Variants in RFX2 observed in about 807,000 individuals in gnomAD.
RFX2 encodes the protein regulatory factor X2, also known as DNA-binding protein RFX2.
Under a neutral mutation model 87.8 loss-of-function variants are expected in RFX2, and 20 were observed. The observed-to-expected ratio is 0.23, with a 90% CI of 0.16 to 0.33. RFX2 has a LOEUF of 0.33. Among genes scored for constraint, RFX2 ranks in the 10% least tolerant of loss-of-function variants. RFX2 has a pLI of 1.00. For missense variants in RFX2, 767 were observed against 1,012.3 expected, an observed-to-expected ratio of 0.76 and a Z score of 3.29; for synonymous variants, 397 against 431.3, an observed-to-expected ratio of 0.92 and a Z score of 0.98.
At chr19:6,018,456 A>G (rs1294071720) in intron 6 of RFX2, among the ~76,000 whole-genome samples, 1 of 152,202 alleles carries the variant, frequency 6.6e-6, no homozygotes, top group Non-Finnish European at 1.5e-5. Flanking sequence ...GGGTTCTGGA[A>G]CGTTTCACAG....
chr19:6,094,178 T>G (rs1425045944), intron 1 of RFX2, among the ~76,000 whole-genome samples: 1 of 152,106 alleles, frequency 6.6e-6, no homozygotes, highest in African/African-American at 2.4e-5. Context: ...ACACCAAACT[T>G]TTCTTAGTGG....
chr19:5,996,339 G>A (rs770561681), intron 16 of RFX2, among the ~76,000 whole-genome samples: 5 of 41,822 alleles, frequency 1.2e-4, no homozygotes, highest in East Asian at 5.2e-4. Flanking sequence ...AGGGACGAGC[G>A]GTCAGCACAG....
chr19:6,076,104 C>T (rs942601951), intron 1 of RFX2, among the ~76,000 whole-genome samples: 1 of 152,086 alleles, frequency 6.6e-6, no homozygotes, highest in Non-Finnish European at 1.5e-5. Context: ...TTTTGGGAGG[C>T]CAAGGTGGGC....
rs149234863 is a variant in RFX2 at position 5,993,654 on chromosome 19, T to C, written c.*1181A>G. On this transcript the variant is annotated 3_prime_UTR_variant, in exon 18 of 18. Coordinates refer to ENST00000303657, the MANE Select transcript of RFX2 (RefSeq NM_000635.4). ...GTCCTGGGCCGAGGCTCGTCTTTCT[T>C]CTCTGCAGTTGGTTTGGGGACAGAA... The C allele has an allele frequency of 2.6e-5, 4 of 152,344 alleles. No individual in the cohort carries two copies. The highest frequency in any genetic ancestry group is 9.6e-5 in the African/African-American group (4 of 41,580). The allele number at this position is 152,344 out of a possible 1,614,324, so 9.4% of individuals were successfully genotyped here.
chr19:6,037,033 C>T (rs2087034750), intron 5 of RFX2, among the ~76,000 whole-genome samples: 1 of 151,964 alleles, frequency 6.6e-6, no homozygotes, highest in Non-Finnish European at 1.5e-5. Flanking sequence ...ACCTGTAATC[C>T]CAGCACTTTG....
At chr19:6,081,199 A>T (rs1599916362) in intron 1 of RFX2, among the ~76,000 whole-genome samples, 2 of 152,204 alleles carry the variant, frequency 1.3e-5, no homozygotes, top group African/African-American at 2.4e-5. Flanking sequence ...TCACTACTTT[A>T]AAAAAGTTCA....
At chr19:6,068,040 T>A (rs1441363838) in intron 1 of RFX2, 1 of 151,952 alleles carries the variant, frequency 6.6e-6, no homozygotes, top group East Asian at 1.9e-4. Context: ...TGCAGGGAGA[T>A]GAGGAATTTG....
Position 5,999,825 on chromosome 19 carries a change from A to G in RFX2, c.1859+1990T>C, listed in dbSNP as rs929250048. Among the ~76,000 whole-genome samples the G allele has an allele frequency of 6.6e-6, 1 of 151,782 alleles. No homozygotes were observed. The highest frequency in any genetic ancestry group is 1.5e-5 in the Non-Finnish European group (1 of 67,948). Reference sequence around the variant, plus strand: ...CTGGGGGTGAGGGATTTCTCTGCGGATGATGGGTTTCTCTGTGTGGCTGTC... The same window carrying G: ...CTGGGGGTGAGGGATTTCTCTGCGGGTGATGGGTTTCTCTGTGTGGCTGTC... On this transcript the variant is annotated intron_variant, in intron 15 of 17. Transcript: ENST00000303657. The surrounding 1 kb of genome is among the most constrained non-coding windows in gnomAD (Gnocchi z 4.1).
chr19:5,995,770 C>A, intron 16 of RFX2, 127 bp from the exon 17 acceptor site: 1 of 844,918 alleles, frequency 1.2e-6, no homozygotes, highest in Non-Finnish European at 2.0e-6. Flanking sequence ...CAGCTGGGGC[C>A]TGCCCTGAAA....
chr19:6,037,525 A>T (rs1212865728), intron 5 of RFX2, among the ~76,000 whole-genome samples: 1 of 152,198 alleles, frequency 6.6e-6, no homozygotes, highest in African/African-American at 2.4e-5. Context: ...ATGAAAGAAG[A>T]TCTAAACAAA....
chr19:6,054,596 T>C (rs1233484500), intron 1 of RFX2, among the ~76,000 whole-genome samples: 1 of 152,222 alleles, frequency 6.6e-6, no homozygotes, highest in East Asian at 1.9e-4. Context: ...CAACTGGATT[T>C]TCACAAAGGT....
At chr19:6,086,024 C>T (rs11879739) in intron 1 of RFX2, among the ~76,000 whole-genome samples, 5 of 148,398 alleles carry the variant, frequency 3.4e-5, no homozygotes, top group African/African-American at 7.5e-5. Context: ...CCCAGGAGGC[C>T]GAGGCTGCAG....
rs1268228347 is a variant in RFX2, at chr19:6,044,177, C to T, written c.180+16G>A. On this transcript the variant is annotated intron_variant, in intron 3 of 17. Coordinates refer to ENST00000303657, the MANE Select transcript of RFX2 (RefSeq NM_000635.4). This position sits in a 1 kb window ranked among gnomAD's most constrained non-coding sequence, Gnocchi z 5.3. ...CTGCGCCCCGGTTTGCACGGTGCTG[C>T]GGTGCTTGTCATTACCTGCTGGGGT... is the stretch of plus-strand genomic sequence containing the variant. 2.6e-6 allele frequency: 4 copies of T among 1,509,688 alleles called. No individual in the cohort carries two copies. The highest frequency in any genetic ancestry group is 1.4e-5 in the African/African-American group (1 of 71,824). 93.5% of individuals were successfully genotyped at this position (1,509,688 alleles called of 1,614,324 possible).
chr19:6,060,540 C>G (rs1014250181), intron 1 of RFX2, among the ~76,000 whole-genome samples: 8 of 152,182 alleles, frequency 5.3e-5, no homozygotes, highest in African/African-American at 1.9e-4. Flanking sequence ...CCTTTATCTT[C>G]TCTTGAGATA....
intron 5 of RFX2, among the ~76,000 whole-genome samples, chr19:6,032,645 C>G (rs1410219464): frequency 6.6e-6 from 1 of 152,228 alleles, no homozygotes; most frequent in East Asian, 1.9e-4. Flanking sequence ...GGGGAGCCCC[C>G]ACCAATATCT....
At chr19:6,030,978 C>T (rs1490816608) in intron 5 of RFX2, among the ~76,000 whole-genome samples, 13 of 152,156 alleles carry the variant, frequency 8.5e-5, no homozygotes, top group African/African-American at 3.1e-4. Context: ...CCAACCTCAT[C>T]AGAAAAGTCA....
chr19:6,026,428 G>C lies in RFX2; in HGVS notation c.523-191C>G. 1.7e-6 allele frequency: 1 copy of C among 605,238 alleles called. No individual in the cohort carries two copies. Among genetic ancestry groups the C allele is most frequent in the Admixed American group, 2.9e-5 (1 of 33,982 alleles). The allele number at this position is 605,238 out of a possible 1,614,324, so 37.5% of individuals were successfully genotyped here. ...TAAATTGTGCATGAAAGCTGCGGTAGGGAGTGTTGCTTCGCACACGTAGGT... is the reference window on the plus strand; with the variant it reads ...TAAATTGTGCATGAAAGCTGCGGTACGGAGTGTTGCTTCGCACACGTAGGT... On this transcript the variant is annotated intron_variant, in intron 5 of 17. Transcript: ENST00000303657. This position sits in a 1 kb window ranked among gnomAD's most constrained non-coding sequence, Gnocchi z 4.5.
In RFX2 at chr19:6,002,857, C is replaced by G; in HGVS notation, c.1514G>C (p.Ser505Thr). Reference sequence around the variant, plus strand: ...GCGCCGCAGCGTCTGGGCGAAGGCACTGACGACGCCCACCTGTAAGCCAGG... The same window carrying G: ...GCGCCGCAGCGTCTGGGCGAAGGCAGTGACGACGCCCACCTGTAAGCCAGG... The part of the protein sequence containing the change: ...QVIQTKVGVV[S>T]AFAQTLRRYT... The change falls in exon 14 of 18, where the codon AGT becomes ACT. Residue 505 changes from serine (S) to threonine (T), a missense_variant. By Grantham distance (58) the Ser-to-Thr change is moderately conservative. Around this residue, in one of 2 missense-constraint regions of RFX2, gnomAD observed 621 missense variants for 873.0 expected, o/e 0.71. Coordinates refer to ENST00000303657, the MANE Select transcript of RFX2 (RefSeq NM_000635.4). The surrounding 1 kb of genome is among the most constrained non-coding windows in gnomAD (Gnocchi z 6.7). 6.2e-7 allele frequency: 1 copy of G among 1,608,348 alleles called. No homozygotes were observed. The highest frequency in any genetic ancestry group is 1.7e-5 in the Admixed American group (1 of 59,246).
At chr19:6,069,822 T>G (rs573074996) in intron 1 of RFX2, among the ~76,000 whole-genome samples, 1 of 152,166 alleles carries the variant, frequency 6.6e-6, no homozygotes, top group Non-Finnish European at 1.5e-5. Context: ...ATGGCTCTTT[T>G]GAGGAATTTT....
Sources: gnomAD v4.1 joint callset for allele counts (sites outside exome capture counted in the v4.1 genomes callset) on GRCh38, gnomAD v4.1.1 for gene constraint, gnomAD v4.1.1 regional missense constraint, Gnocchi (gnomAD v3.1) non-coding constraint, MANE v1.5 for transcripts, NCBI Gene and HGNC (gene_info 2026-07-23, HGNC 2026-07-21) for gene names.